The following DSCAM variants were observed in gnomAD, a reference collection of about 807,000 sequenced individuals.
The protein encoded by DSCAM is DS cell adhesion molecule, also known as cell adhesion molecule DSCAM.
Under a neutral mutation model 217.7 loss-of-function variants are expected in DSCAM, and 47 were observed. That is an observed-to-expected ratio of 0.22 (90% CI 0.17 to 0.28). The LOEUF (loss-of-function observed/expected upper bound fraction) is 0.28. DSCAM is among the 10% of genes least tolerant of loss of function. DSCAM has a pLI of 1.00. For missense variants in DSCAM, 2,080 were observed against 2,618.3 expected, an observed-to-expected ratio of 0.79 and a Z score of 4.49; for synonymous variants, 1,056 against 1,015.3, an observed-to-expected ratio of 1.04 and a Z score of -0.76.
intron 11 of DSCAM, among the ~76,000 whole-genome samples, chr21:40,236,088 A>G (rs929327365): frequency 6.6e-6 from 1 of 152,034 alleles, no homozygotes; most frequent in Non-Finnish European, 1.5e-5. Flanking sequence ...AAATATATAA[A>G]CTTGTTTCTG....
intron 11 of DSCAM, among the ~76,000 whole-genome samples, chr21:40,210,822 G>C (rs1406053639): frequency 1.3e-5 from 2 of 152,216 alleles, no homozygotes; most frequent in African/African-American, 4.8e-5. Flanking sequence ...TGGGTTTACA[G>C]GCATGAGCCA....
At chr21:40,754,992 G>A (rs1210105201) in intron 1 of DSCAM, among the ~76,000 whole-genome samples, 1 of 152,202 alleles carries the variant, frequency 6.6e-6, no homozygotes, top group Non-Finnish European at 1.5e-5. Context: ...CTGCATTAAG[G>A]CAGAACAAAG....
chr21:40,833,394 A>T (rs555248534), intron 1 of DSCAM, among the ~76,000 whole-genome samples: 21 of 152,372 alleles, frequency 1.4e-4, no homozygotes, highest in Admixed American at 1.3e-4. Flanking sequence ...TCCACAGGAA[A>T]AACAGGCCTC....
intron 26 of DSCAM, among the ~76,000 whole-genome samples, chr21:40,075,639 C>T (rs568790609): frequency 7.9e-4 from 120 of 152,290 alleles, no homozygotes; most frequent in Non-Finnish European, 1.6e-3. Context: ...AGCGCGTGTG[C>T]AGGGAGAGGG....
chr21:40,313,147 T>C (rs1428739335), intron 8 of DSCAM, among the ~76,000 whole-genome samples: 1 of 149,738 alleles, frequency 6.7e-6, no homozygotes, highest in Non-Finnish European at 1.5e-5. Flanking sequence ...GTAAAATAAA[T>C]ATTCCAATTT....
At chr21:40,283,243 T>C (rs186922485) in intron 10 of DSCAM, among the ~76,000 whole-genome samples, 43 of 152,358 alleles carry the variant, frequency 2.8e-4, no homozygotes, top group South Asian at 8.3e-4. Context: ...GTAATCTTCT[T>C]AGCACAAGGT....
chr21:40,263,554 G>A (rs1569030339), intron 11 of DSCAM, among the ~76,000 whole-genome samples: 1 of 152,078 alleles, frequency 6.6e-6, no homozygotes. Flanking sequence ...CTGGGATACA[G>A]CAAAAGCATT....
At chr21:40,055,259 CAT>C (rs2088995672) in intron 29 of DSCAM, among the ~76,000 whole-genome samples, 2 of 152,126 alleles carry the variant, frequency 1.3e-5, no homozygotes, top group African/African-American at 2.4e-5. Context: ...TGTACAAAGA[CAT>C]GTGTTTGTTT....
chr21:40,582,150 G>A (rs2076910499), intron 3 of DSCAM, among the ~76,000 whole-genome samples: 1 of 152,140 alleles, frequency 6.6e-6, no homozygotes, highest in Admixed American at 6.5e-5. Flanking sequence ...CCTGGGGACT[G>A]TGTATAATAA....
intron 3 of DSCAM, among the ~76,000 whole-genome samples, chr21:40,616,528 T>A (rs1203150220): frequency 6.6e-6 from 1 of 152,132 alleles, no homozygotes; most frequent in Non-Finnish European, 1.5e-5. Flanking sequence ...ATCACTGAAG[T>A]TCATTGCTGG....
At chr21:40,199,230 G>C (rs987200902) in intron 11 of DSCAM, among the ~76,000 whole-genome samples, 2 of 152,132 alleles carry the variant, frequency 1.3e-5, no homozygotes, top group Non-Finnish European at 2.9e-5. Context: ...CATTAAACCT[G>C]TGGTCCCTAT....
chr21:40,089,225 T>G (rs566599930), intron 21 of DSCAM, among the ~76,000 whole-genome samples: 1 of 152,226 alleles, frequency 6.6e-6, no homozygotes, highest in African/African-American at 2.4e-5. Context: ...CAGAAATGTA[T>G]GACTGGGCAA....
At position 40,278,240 on chromosome 21, in the gene DSCAM, TAG is replaced by T. The variant is rs559326519; in HGVS notation, c.2183-1972_2183-1971del. On this transcript the variant is annotated intron_variant, in intron 10 of 32. Coordinates refer to ENST00000400454, the MANE Select transcript of DSCAM (RefSeq NM_001389.5). The stretch of plus-strand genomic sequence containing the variant: ...AATAACTAAATAAGACCTAAATAAT[TAG>T]AGAGTTATACCATGTTCATGAATAA... 4.3e-4 allele frequency among the ~76,000 whole-genome samples: 65 copies of T among 152,244 alleles called. 2 individuals carry two copies. In the South Asian group the frequency reaches 0.013, roughly 31 times the overall value.
intron 3 of DSCAM, among the ~76,000 whole-genome samples, chr21:40,668,610 G>C (rs1271388439): frequency 6.6e-6 from 1 of 152,150 alleles, no homozygotes; most frequent in Non-Finnish European, 1.5e-5. Flanking sequence ...CCCACACCAA[G>C]CTACTCAATC....
intron 3 of DSCAM, among the ~76,000 whole-genome samples, chr21:40,634,517 A>G (rs533175203): frequency 6.6e-5 from 10 of 152,270 alleles, no homozygotes; most frequent in Admixed American, 3.9e-4. Flanking sequence ...TCACATTTCT[A>G]TGGGGACCCA....
At chr21:40,119,957 T>C (rs1051776232) in intron 20 of DSCAM, among the ~76,000 whole-genome samples, 3 of 152,134 alleles carry the variant, frequency 2.0e-5, no homozygotes, top group African/African-American at 7.2e-5. Context: ...AAGTCCCCTT[T>C]CGCTCTCAGC....
intron 18 of DSCAM, among the ~76,000 whole-genome samples, chr21:40,138,149 T>G (rs62237636): frequency 0.093 from 14,214 of 152,244 alleles, 961 homozygotes; most frequent in East Asian, 0.29. Context: ...AACAACAGAA[T>G]TCTTTCTTAG....
At chr21:40,157,678 C>T (rs1018862783) in intron 16 of DSCAM, among the ~76,000 whole-genome samples, 1 of 127,858 alleles carries the variant, frequency 7.8e-6, no homozygotes, top group Admixed American at 8.4e-5. Flanking sequence ...GGCTTTGTCT[C>T]TCTTTCCTTT....
At chr21:40,536,584 T>G (rs1360470333) in intron 3 of DSCAM, among the ~76,000 whole-genome samples, 1 of 151,978 alleles carries the variant, frequency 6.6e-6, no homozygotes, top group Non-Finnish European at 1.5e-5. Context: ...ATTTTTTTAT[T>G]TTTAGTAGAG....
Sources: gnomAD v4.1 joint callset for allele counts (sites outside exome capture counted in the v4.1 genomes callset) on GRCh38, gnomAD v4.1.1 for gene constraint, MANE v1.5 for transcripts, NCBI Gene and HGNC (gene_info 2026-07-23, HGNC 2026-07-21) for gene names.